Variants in AUTS2 observed in about 807,000 individuals in gnomAD.
AUTS2 encodes the protein activator of transcription and developmental regulator AUTS2.
A neutral mutation model predicts 112.4 loss-of-function variants in AUTS2; 17 were observed. The observed-to-expected ratio is 0.15, with a 90% CI of 0.10 to 0.23. The LOEUF (loss-of-function observed/expected upper bound fraction) is 0.23. AUTS2 is among the 10% of genes least tolerant of loss of function. AUTS2 has a pLI of 1.00. For missense variants in AUTS2, 1,510 were observed against 1,701.6 expected, an observed-to-expected ratio of 0.89 and a Z score of 1.98; for synonymous variants, 751 against 702.7, an observed-to-expected ratio of 1.07 and a Z score of -1.09.
chr7:70,526,112 C>A (rs549438256), intron 5 of AUTS2, among the ~76,000 whole-genome samples: 2 of 152,192 alleles, frequency 1.3e-5, no homozygotes, highest in East Asian at 3.9e-4. Context: ...TAATGAGTCA[C>A]CCAGTTTTGT....
intron 4 of AUTS2, among the ~76,000 whole-genome samples, chr7:70,432,227 C>T (rs1795701400): frequency 6.6e-6 from 1 of 152,184 alleles, no homozygotes; most frequent in Non-Finnish European, 1.5e-5. Context: ...GCTGGGACGC[C>T]GTCTCTGCAT....
chr7:69,995,440 A>C (rs1040773407), intron 2 of AUTS2, among the ~76,000 whole-genome samples: 1 of 152,212 alleles, frequency 6.6e-6, no homozygotes. Context: ...AGAAGAGGTA[A>C]AAAATAGAAA....
At chr7:70,725,974 A>G (rs976262146) in intron 6 of AUTS2, among the ~76,000 whole-genome samples, 1 of 150,216 alleles carries the variant, frequency 6.7e-6, no homozygotes, top group Non-Finnish European at 1.5e-5. Flanking sequence ...GTGAGCAGAG[A>G]TCGTGCCACT....
intron 4 of AUTS2, among the ~76,000 whole-genome samples, chr7:70,392,998 C>T (rs925961322): frequency 2.6e-5 from 4 of 152,262 alleles, no homozygotes; most frequent in African/African-American, 9.6e-5. Flanking sequence ...AAGCTCAGCT[C>T]TTACTGCCTT....
intron 4 of AUTS2, among the ~76,000 whole-genome samples, chr7:70,190,795 T>G (rs1734264390): frequency 6.6e-6 from 1 of 152,208 alleles, no homozygotes; most frequent in African/African-American, 2.4e-5. Flanking sequence ...CGTACACTAT[T>G]GTATAATCTC....
At chr7:70,724,022 G>C (rs1262463326) in intron 6 of AUTS2, among the ~76,000 whole-genome samples, 1 of 151,986 alleles carries the variant, frequency 6.6e-6, no homozygotes, top group Non-Finnish European at 1.5e-5. Context: ...CTCCCGAGTA[G>C]CTGGGATTAT....
intron 2 of AUTS2, among the ~76,000 whole-genome samples, chr7:70,097,299 C>A (rs1804256148): frequency 6.6e-6 from 1 of 152,120 alleles, no homozygotes; most frequent in Admixed American, 6.5e-5. Flanking sequence ...ATCTCTTCAC[C>A]TTTTGAATCA....
chr7:70,656,891 C>T (rs1378703683), intron 5 of AUTS2, among the ~76,000 whole-genome samples: 3 of 148,814 alleles, frequency 2.0e-5, no homozygotes, highest in Admixed American at 6.6e-5. Context: ...CACTCACATC[C>T]TACAAGCTAA....
chr7:70,625,679 C>A (rs1804901124), intron 5 of AUTS2, among the ~76,000 whole-genome samples: 1 of 152,122 alleles, frequency 6.6e-6, no homozygotes, highest in Admixed American at 6.5e-5. Context: ...CCGTCATGCC[C>A]CTCTATACAA....
intron 2 of AUTS2, among the ~76,000 whole-genome samples, chr7:69,983,549 A>G (rs956697086): frequency 3.3e-5 from 5 of 151,968 alleles, no homozygotes; most frequent in Non-Finnish European, 7.4e-5. Flanking sequence ...TTATGTGGGT[A>G]TGACTGTGTA....
intron 1 of AUTS2, among the ~76,000 whole-genome samples, chr7:69,641,044 G>A (rs1239694315): frequency 2.6e-5 from 4 of 152,214 alleles, no homozygotes; most frequent in Non-Finnish European, 4.4e-5. Context: ...TTGAATGGTA[G>A]CATTTTAACT....
intron 5 of AUTS2, among the ~76,000 whole-genome samples, chr7:70,496,782 GAC>G (rs1181915272): frequency 7.6e-5 from 5 of 65,552 alleles, no homozygotes; most frequent in African/African-American, 1.3e-4. Context: ...TACACAGTCA[GAC>G]ACACACACAC....
At chr7:70,438,015 C>T (rs1795967632) in intron 5 of AUTS2, among the ~76,000 whole-genome samples, 1 of 152,044 alleles carries the variant, frequency 6.6e-6, no homozygotes, top group African/African-American at 2.4e-5. Context: ...GCCTGGGCCT[C>T]ATCCCAGGTC....
At chr7:69,983,882 A>G (rs998024043) in intron 2 of AUTS2, among the ~76,000 whole-genome samples, 1 of 152,174 alleles carries the variant, frequency 6.6e-6, no homozygotes, top group Non-Finnish European at 1.5e-5. Flanking sequence ...GGTTCTAGTT[A>G]TAAACCCTTA....
intron 5 of AUTS2, among the ~76,000 whole-genome samples, chr7:70,466,802 C>T (rs1797182717): frequency 6.6e-6 from 1 of 152,156 alleles, no homozygotes; most frequent in African/African-American, 2.4e-5. Context: ...GTCAGTGGAG[C>T]ATTTAAAGCA....
chr7:70,007,558 T>C (rs1010699641), intron 2 of AUTS2, among the ~76,000 whole-genome samples: 4 of 152,192 alleles, frequency 2.6e-5, no homozygotes, highest in African/African-American at 9.6e-5. Context: ...TATTATGTGA[T>C]AGTCACTATG....
At chr7:69,844,874 G>A (rs999683431) in intron 1 of AUTS2, among the ~76,000 whole-genome samples, 4 of 152,106 alleles carry the variant, frequency 2.6e-5, no homozygotes, top group African/African-American at 7.2e-5. Flanking sequence ...GCACAGTATG[G>A]CCTCTCTCAG....
At chr7:70,548,109 G>A (rs1013601017) in intron 5 of AUTS2, among the ~76,000 whole-genome samples, 5 of 151,930 alleles carry the variant, frequency 3.3e-5, no homozygotes, top group East Asian at 1.9e-4. Flanking sequence ...TTGCATTTCC[G>A]TATACATTTT....
At chr7:69,797,584 G>A (rs1263442342) in intron 1 of AUTS2, among the ~76,000 whole-genome samples, 9 of 152,210 alleles carry the variant, frequency 5.9e-5, no homozygotes, top group African/African-American at 2.2e-4. Flanking sequence ...GAAAGGAAGA[G>A]CCTGCGCTTG....
Sources: allele counts gnomAD v4.1 joint callset (sites outside exome capture counted in the v4.1 genomes callset), GRCh38; gene constraint gnomAD v4.1.1; transcripts MANE v1.5; gene names NCBI Gene and HGNC (gene_info 2026-07-23, HGNC 2026-07-21).